The following EVL variants were observed in gnomAD, a reference collection of about 807,000 sequenced individuals.
The protein encoded by EVL is ena/VASP-like protein.
In EVL, 21 loss-of-function variants were observed where a neutral mutation model predicts 59.6. The observed-to-expected ratio is 0.35, with a 90% CI of 0.25 to 0.51. EVL has a LOEUF of 0.51. EVL is among the 20% of genes least tolerant of loss of function. The pLI is 0.97. For missense variants in EVL, 462 were observed against 546.6 expected (o/e 0.85, Z 1.54); for synonymous variants, 198 against 203.5 (o/e 0.97, Z 0.23).
At position 100,132,789 on chromosome 14, in the gene EVL, C is replaced by A. The variant is rs1377267844; in HGVS notation, c.900+10C>A. On this transcript the variant is annotated intron_variant, in intron 8 of 13. Coordinates refer to ENST00000392920, the MANE Select transcript of EVL (RefSeq NM_016337.3). Reference sequence around the variant, plus strand: ...AGATGAAAGCCAAATGGTGAGCAAGCAGCCCGCCCCACCCTCAGGCTCCCC... The same window carrying A: ...AGATGAAAGCCAAATGGTGAGCAAGAAGCCCGCCCCACCCTCAGGCTCCCC... The A allele has an allele frequency of 5.6e-6, 9 of 1,613,820 alleles. No individual in the cohort carries two copies. Among genetic ancestry groups the A allele is most frequent in the Non-Finnish European group, 7.6e-6 (9 of 1,179,996 alleles).
intron 1 of EVL, among the ~76,000 whole-genome samples, chr14:99,988,032 A>G (rs2060850595): frequency 6.8e-6 from 1 of 147,790 alleles, no homozygotes; most frequent in Non-Finnish European, 1.5e-5. Context: ...CTCCTGCCTC[A>G]GCCTCCCAAG....
In EVL at chr14:100,126,786, C is replaced by G; in HGVS notation, c.487+15C>G. The G allele has an allele frequency of 6.2e-7, 1 of 1,612,364 alleles. No individual in the cohort carries two copies. ...CTCGGCCACAGGTGAGAGCCCTCCT[C>G]CCCTAGGGCCGACTCCCATGCTGCT... On this transcript the variant is annotated intron_variant, in intron 5 of 13. Coordinates refer to ENST00000392920, the MANE Select transcript of EVL (RefSeq NM_016337.3).
chr14:100,142,438 G>A (rs1889238191), intron 13 of EVL, among the ~76,000 whole-genome samples: 1 of 152,250 alleles, frequency 6.6e-6, no homozygotes, highest in Non-Finnish European at 1.5e-5. Context: ...GGGGGAGTGG[G>A]CAGGGCAGAC....
chr14:100,141,690 C>T (rs780195401), intron 12 of EVL, 46 bp from the exon 13 acceptor site: 51 of 1,598,532 alleles, frequency 3.2e-5, no homozygotes, highest in Admixed American at 2.4e-4. Flanking sequence ...CCGGCTTTTC[C>T]GTCTCCACTG....
intron 1 of EVL, among the ~76,000 whole-genome samples, chr14:99,979,198 T>G (rs895745351): frequency 1.3e-5 from 2 of 151,970 alleles, no homozygotes; most frequent in Non-Finnish European, 2.9e-5. Flanking sequence ...CCTAAAAGAT[T>G]TACAGAAACT....
chr14:100,087,765 C>CCTGCTCTGCTCTGCTCTGCT (rs61264203), intron 2 of EVL, among the ~76,000 whole-genome samples: 51 of 151,814 alleles, frequency 3.4e-4, no homozygotes, highest in African/African-American at 1.2e-3. Flanking sequence ...AGACTGCAGT[C>CCTGCTCTGCTCTGCTCTGCT]CTGCTCTGCT....
At chr14:100,037,908 G>C (rs573901546) in intron 1 of EVL, among the ~76,000 whole-genome samples, 1 of 152,328 alleles carries the variant, frequency 6.6e-6, no homozygotes, top group South Asian at 2.1e-4. Context: ...TGAGGGCCGA[G>C]AACTGTATTA....
At chr14:100,059,914 A>G (rs2061794739) in intron 1 of EVL, among the ~76,000 whole-genome samples, 1 of 152,242 alleles carries the variant, frequency 6.6e-6, no homozygotes, top group African/African-American at 2.4e-5. Flanking sequence ...TGTATCATAC[A>G]GTATCTAACA....
At position 100,108,289 on chromosome 14, in the gene EVL, G is replaced by A. The variant is rs1210867780; in HGVS notation, c.358+10631G>A. On this transcript the variant is annotated intron_variant, in intron 3 of 13. Transcript: ENST00000392920. The surrounding 1 kb of genome is among the most constrained non-coding windows in gnomAD (Gnocchi z 4.1). ...CCTCATAGCTCTTGGAGGTGGGGCT[G>A]AATTTTGCTTCTTGTAAACCTCTTT... Among the ~76,000 whole-genome samples the A allele has an allele frequency of 3.9e-5, 6 of 152,112 alleles. No individual in the cohort carries two copies. Among genetic ancestry groups the A allele is most frequent in the African/African-American group, 1.4e-4 (6 of 41,408 alleles).
At chr14:100,116,868 C>T (rs1887382453) in intron 3 of EVL, among the ~76,000 whole-genome samples, 1 of 152,210 alleles carries the variant, frequency 6.6e-6, no homozygotes, top group Non-Finnish European at 1.5e-5. Context: ...TCCTTGGTTC[C>T]ACGCTTCTCA....
chr14:100,031,742 A>G (rs765196100), intron 1 of EVL, among the ~76,000 whole-genome samples: 5 of 152,206 alleles, frequency 3.3e-5, no homozygotes, highest in Non-Finnish European at 7.3e-5. Flanking sequence ...GTTGACTCAC[A>G]CTGCATTCTT....
At chr14:100,136,779 T>G (rs1446443936) in intron 9 of EVL, among the ~76,000 whole-genome samples, 1 of 152,162 alleles carries the variant, frequency 6.6e-6, no homozygotes, top group Non-Finnish European at 1.5e-5. Flanking sequence ...CTGATGAACG[T>G]GATCAATACC....
intron 2 of EVL, among the ~76,000 whole-genome samples, chr14:100,095,730 G>T (rs1404339311): frequency 6.6e-6 from 1 of 152,072 alleles, no homozygotes; most frequent in Non-Finnish European, 1.5e-5. Flanking sequence ...TTTTGTTGTT[G>T]TTGTTGTTGT....
chr14:100,118,624 C>T (rs569099141), intron 3 of EVL, among the ~76,000 whole-genome samples: 45 of 152,274 alleles, frequency 3.0e-4, no homozygotes, highest in Middle Eastern at 3.4e-3. Context: ...AGAAGGGACT[C>T]GGACCTCCTG....
At chr14:100,083,731 T>G (rs943786604) in intron 1 of EVL, among the ~76,000 whole-genome samples, 1 of 152,238 alleles carries the variant, frequency 6.6e-6, no homozygotes, top group Non-Finnish European at 1.5e-5. Context: ...TATTTTGATT[T>G]ATGTTGCATT....
intron 1 of EVL, among the ~76,000 whole-genome samples, chr14:100,047,533 C>T (rs899001778): frequency 8.5e-5 from 13 of 152,302 alleles, no homozygotes; most frequent in Admixed American, 7.2e-4. Context: ...GCCCTGCTTT[C>T]CTCAGCCAGT....
intron 1 of EVL, among the ~76,000 whole-genome samples, chr14:100,076,622 A>G (rs1024245387): frequency 1.3e-5 from 2 of 152,320 alleles, no homozygotes; most frequent in East Asian, 3.9e-4. Flanking sequence ...AGATATTCCA[A>G]GTCTTTATGG....
chr14:99,994,965 T>G (rs1345761934), intron 1 of EVL, among the ~76,000 whole-genome samples: 1 of 152,236 alleles, frequency 6.6e-6, no homozygotes, highest in African/African-American at 2.4e-5. Flanking sequence ...ACTTTGAATA[T>G]ATCATCCCAC....
At chr14:100,040,905 C>G (rs1322628885) in intron 1 of EVL, among the ~76,000 whole-genome samples, 1 of 152,102 alleles carries the variant, frequency 6.6e-6, no homozygotes, top group African/African-American at 2.4e-5. Context: ...TTAGCACATT[C>G]CCCCTGAAAA....
Sources: gnomAD v4.1 joint callset for allele counts (sites outside exome capture counted in the v4.1 genomes callset) on GRCh38, gnomAD v4.1.1 for gene constraint, Gnocchi (gnomAD v3.1) non-coding constraint, MANE v1.5 for transcripts, NCBI Gene and HGNC (gene_info 2026-07-23, HGNC 2026-07-21) for gene names.